Variants in PPM1H observed in about 807,000 individuals in gnomAD.
The protein encoded by PPM1H is protein phosphatase 1H.
In PPM1H, 27 loss-of-function variants were observed where a neutral mutation model predicts 54.9. The observed-to-expected ratio is 0.49, with a 90% CI of 0.36 to 0.68. PPM1H has a LOEUF of 0.68. Among genes scored for constraint, PPM1H ranks in the 30% least tolerant of loss-of-function variants. The pLI is 0.00. For synonymous variants in PPM1H, 305 were observed against 270.8 expected (o/e 1.13, Z -1.24); for missense variants, 596 against 667.8 (o/e 0.89, Z 1.19).
At chr12:62,655,304 T>A (rs2075837979) in intron 9 of PPM1H, among the ~76,000 whole-genome samples, 1 of 152,180 alleles carries the variant, frequency 6.6e-6, no homozygotes, top group South Asian at 2.1e-4. Context: ...GGAGCCACCT[T>A]GCCATATGAA....
At chr12:62,817,918 G>A (rs1171881626) in intron 2 of PPM1H, among the ~76,000 whole-genome samples, 2 of 152,166 alleles carry the variant, frequency 1.3e-5, no homozygotes, top group East Asian at 3.9e-4. Context: ...TGCTGACACA[G>A]CCATCTCCTG....
At chr12:62,809,931 C>T (rs1009486752) in intron 2 of PPM1H, among the ~76,000 whole-genome samples, 2 of 152,002 alleles carry the variant, frequency 1.3e-5, no homozygotes, top group Non-Finnish European at 2.9e-5. Context: ...GAAAACTATC[C>T]TTCGGTTTTT....
intron 4 of PPM1H, among the ~76,000 whole-genome samples, chr12:62,751,543 GA>G (rs1380644533): frequency 6.6e-6 from 1 of 152,216 alleles, no homozygotes; most frequent in Non-Finnish European, 1.5e-5. Context: ...TTGGAAAAGG[GA>G]AAATAATTTC....
At chr12:62,692,299 G>A (rs1012108849) in intron 7 of PPM1H, among the ~76,000 whole-genome samples, 6 of 152,118 alleles carry the variant, frequency 3.9e-5, no homozygotes, top group South Asian at 2.1e-4. Flanking sequence ...CCTGCCCATC[G>A]CAAGACCATC....
intron 4 of PPM1H, among the ~76,000 whole-genome samples, chr12:62,778,194 T>C (rs2076622038): frequency 6.6e-6 from 1 of 152,234 alleles, no homozygotes; most frequent in South Asian, 2.1e-4. Flanking sequence ...AGGGAAAATG[T>C]ATCAAAAACT....
intron 2 of PPM1H, among the ~76,000 whole-genome samples, chr12:62,828,985 C>A (rs1402784078): frequency 2.0e-5 from 3 of 151,622 alleles, no homozygotes; most frequent in Admixed American, 6.6e-5. Context: ...AAATAGGAAC[C>A]CCTCTCCATT....
At chr12:62,788,610 T>C (rs947036501) in intron 3 of PPM1H, 2 of 329,482 alleles carry the variant, frequency 6.1e-6, no homozygotes, top group African/African-American at 4.1e-5. Context: ...AAAATGTAAG[T>C]TGTATTCAGT....
chr12:62,644,026 T>A lies in PPM1H; in HGVS notation c.*4463A>T, dbSNP rs538092914. The A allele has an allele frequency of 5.3e-5, 8 of 152,322 alleles. No individual in the cohort carries two copies. In the East Asian group the frequency reaches 9.6e-4, roughly 18 times the overall value. 9.4% of individuals were successfully genotyped at this position (152,322 alleles called of 1,614,324 possible). A position where few individuals can be genotyped will look rare whatever the true frequency, so the allele number is the denominator to read the frequency against. ...TATACATATATATAATATTTTATTT[T>A]AAAATGTCATTGAACATATACATTT... On this transcript the variant is annotated 3_prime_UTR_variant, in exon 10 of 10. Coordinates refer to ENST00000228705, the MANE Select transcript of PPM1H (RefSeq NM_020700.2).
At chr12:62,696,484 A>T (rs1375567583) in intron 6 of PPM1H, among the ~76,000 whole-genome samples, 1 of 152,204 alleles carries the variant, frequency 6.6e-6, no homozygotes, top group Non-Finnish European at 1.5e-5. Flanking sequence ...GGAAAAGTAC[A>T]ACACCTTCTC....
intron 6 of PPM1H, among the ~76,000 whole-genome samples, chr12:62,710,399 G>A (rs940491457): frequency 6.6e-6 from 1 of 151,970 alleles, no homozygotes; most frequent in South Asian, 2.1e-4. Context: ...CAGCATGTTG[G>A]TGCACGCCTT....
At chr12:62,787,804 CA>C (rs1267090291) in intron 4 of PPM1H, among the ~76,000 whole-genome samples, 1 of 152,178 alleles carries the variant, frequency 6.6e-6, no homozygotes, top group African/African-American at 2.4e-5. Context: ...AGGGAATGTG[CA>C]TAAAAGGAGA....
rs773575481 is a variant in PPM1H, at chr12:62,648,219, G to A, written c.*270C>T. The stretch of plus-strand genomic sequence containing the variant: ...ACATATATACCCCAAATAGTCAATG[G>A]CCACCTCGGAGGCCTATGAAAGGAA... On this transcript the variant is annotated 3_prime_UTR_variant, in exon 10 of 10. Transcript: ENST00000228705. 4 of 372,398 alleles carry A rather than the reference G, an allele frequency of 1.1e-5. No individual in the cohort carries two copies. The highest frequency in any genetic ancestry group is 1.5e-5 in the Non-Finnish European group (3 of 199,798). The allele number at this position is 372,398 out of a possible 1,614,324, so 23.1% of individuals were successfully genotyped here.
intron 6 of PPM1H, among the ~76,000 whole-genome samples, chr12:62,697,634 G>A (rs1592549622): frequency 6.6e-6 from 1 of 152,116 alleles, no homozygotes; most frequent in African/African-American, 2.4e-5. Context: ...TTTCTCATTT[G>A]GGGGAAGATA....
chr12:62,687,756 C>T (rs1797454631), intron 8 of PPM1H, among the ~76,000 whole-genome samples: 1 of 152,134 alleles, frequency 6.6e-6, no homozygotes, highest in Non-Finnish European at 1.5e-5. Context: ...TGCCTGCAAT[C>T]CCAGCACTTT....
intron 1 of PPM1H, among the ~76,000 whole-genome samples, chr12:62,851,096 G>GTTTC (rs1482294478): frequency 6.6e-6 from 1 of 152,172 alleles, no homozygotes; most frequent in Non-Finnish European, 1.5e-5. Flanking sequence ...TCCTAGGACT[G>GTTTC]TGAGCATTCT....
chr12:62,840,915 G>T (rs1359135396), intron 1 of PPM1H, among the ~76,000 whole-genome samples: 4 of 151,888 alleles, frequency 2.6e-5, no homozygotes, highest in African/African-American at 9.7e-5. Flanking sequence ...CTCAGGCAGG[G>T]TCTCTTACAA....
chr12:62,863,435 G>T (rs1869673699), intron 1 of PPM1H, among the ~76,000 whole-genome samples: 1 of 152,178 alleles, frequency 6.6e-6, no homozygotes, highest in Non-Finnish European at 1.5e-5. Flanking sequence ...CATTCAAAAT[G>T]CAAAAGGGTG....
chr12:62,866,031 G>A (rs1592643395), intron 1 of PPM1H, among the ~76,000 whole-genome samples: 4 of 152,162 alleles, frequency 2.6e-5, no homozygotes, highest in South Asian at 2.1e-4. Flanking sequence ...ACAAGCCAAC[G>A]TCTGTGGTGA....
chr12:62,868,965 T>A (rs1453340219), intron 1 of PPM1H, among the ~76,000 whole-genome samples: 1 of 152,170 alleles, frequency 6.6e-6, no homozygotes, highest in Non-Finnish European at 1.5e-5. Context: ...TGTAAATGAC[T>A]CCCAGACCTG....
Sources: allele counts gnomAD v4.1 joint callset (sites outside exome capture counted in the v4.1 genomes callset), GRCh38; gene constraint gnomAD v4.1.1; transcripts MANE v1.5; gene names NCBI Gene and HGNC (gene_info 2026-07-23, HGNC 2026-07-21).